The following SBF1 variants were observed in gnomAD, a reference collection of about 807,000 sequenced individuals.
SBF1 encodes myotubularin-related protein 5.
SBF1 carries 65 observed loss-of-function variants against 215.8 expected under a neutral mutation model. The ratio of observed to expected loss-of-function variants is 0.30; its 90% CI spans 0.25 to 0.37. The LOEUF is 0.37. SBF1 is among the 10% of genes least tolerant of loss of function. The probability of loss-of-function intolerance (pLI) is 1.00; values close to 1 mark genes in which losing one functional copy is unlikely to be tolerated. For missense variants in SBF1, 2,634 were observed against 2,667.8 expected, an observed-to-expected ratio of 0.99 and a Z score of 0.28; for synonymous variants, 1,410 against 1,122.8, an observed-to-expected ratio of 1.26 and a Z score of -5.11.
chr22:50,447,729 C>A (rs2066889886), intron 38 of SBF1, 120 bp from the exon 39 acceptor site: 1 of 703,528 alleles, frequency 1.4e-6, no homozygotes, highest in Non-Finnish European at 2.4e-6. Context: ...ACCCTGTCCC[C>A]AGAACTGACC....
rs769202141 is a variant in SBF1 at position 50,462,271 on chromosome 22, C to T, written c.2330G>A (p.Arg777His). 32 of 1,611,886 alleles carry T rather than the reference C, an allele frequency of 2.0e-5. No individual in the cohort carries two copies. Among genetic ancestry groups the T allele is most frequent in the East Asian group, 2.2e-5 (1 of 44,894 alleles). Residue 777 changes from arginine to histidine, a missense_variant, in exon 19 of 41, where the codon CGC (arginine) becomes CAC (histidine). Transcript: ENST00000380817. ...LLLPLDSSKS[R>H]LLRERAGLGD... is the part of the protein sequence containing the mutation. ...CAGCCCGGCACGCTCCCGAAGTAGG[C>T]GGCTCTTGCTGCTGTCCAGGGGCAG...
intron 36 of SBF1, among the ~76,000 whole-genome samples, chr22:50,450,548 G>A (rs1463800295): frequency 1.3e-5 from 2 of 151,584 alleles, no homozygotes; most frequent in East Asian, 1.9e-4. Context: ...ACTATGAGCT[G>A]AACCCAAATT....
chr22:50,469,231 G>A (rs779179242), intron 1 of SBF1, among the ~76,000 whole-genome samples: 1 of 152,164 alleles, frequency 6.6e-6, no homozygotes, highest in Non-Finnish European at 1.5e-5. Context: ...ACCCAGGCCT[G>A]CTCCCTGTCT....
rs569855979 is a variant in SBF1, at chr22:50,465,428, C to T, written c.1090-100G>A. ...CACCCCAACCCACCCCAAGCTGCCC[C>T]GCTCCCATCCTTCTGCCCCTCCCAC... On this transcript the variant is annotated intron_variant, in intron 10 of 40. Transcript: ENST00000380817. 65 of 997,454 alleles carry T rather than the reference C, an allele frequency of 6.5e-5. No homozygotes were observed. The South Asian group carries it at 6.8e-4, about 10-fold the overall frequency. 61.8% of individuals were successfully genotyped at this position (997,454 alleles called of 1,614,324 possible).
At chr22:50,466,927 T>C (rs1467683749) in intron 5 of SBF1, 1 of 563,142 alleles carries the variant, frequency 1.8e-6, no homozygotes, top group Non-Finnish European at 3.1e-6. Context: ...TGCTTTTGAC[T>C]TGGGGGTAGG....
intron 1 of SBF1, among the ~76,000 whole-genome samples, chr22:50,472,445 GA>G (rs904806369): frequency 1.2e-4 from 18 of 152,248 alleles, no homozygotes; most frequent in African/African-American, 3.6e-4. Context: ...GAACAGAGAG[GA>G]TCCTCTACCC....
chr22:50,450,127 T>C (rs2148557231), intron 36 of SBF1, among the ~76,000 whole-genome samples: 1 of 152,190 alleles, frequency 6.6e-6, no homozygotes, highest in East Asian at 1.9e-4. Flanking sequence ...AAAGGGGCTC[T>C]AGAAATCTAG....
chr22:50,469,377 G>A (rs1287319374), intron 1 of SBF1, among the ~76,000 whole-genome samples: 1 of 152,230 alleles, frequency 6.6e-6, no homozygotes, highest in African/African-American at 2.4e-5. Context: ...TCTCCGTGGG[G>A]CCCCAGAACT....
At position 50,463,256 on chromosome 22, in the gene SBF1, T is replaced by C. The variant is rs769198050; in HGVS notation, c.1899+27A>G. On this transcript the variant is annotated intron_variant, in intron 16 of 40. Transcript: ENST00000380817. ...GTTCCCGCTCATGCGCCATGAGCCA[T>C]GTCACTAGCAGGATAAGAGGCCTCA... 7.4e-6 allele frequency: 12 copies of C among 1,612,364 alleles called. No individual in the cohort carries two copies. In the African/African-American group the frequency reaches 1.1e-4, roughly 14 times the overall value.
In SBF1 at chr22:50,446,811, T is replaced by G; in HGVS notation, c.*331A>C. The G allele has an allele frequency of 3.1e-6, 2 of 644,812 alleles. No homozygotes were observed. Among genetic ancestry groups the G allele is most frequent in the East Asian group, 3.2e-5 (1 of 31,248 alleles). 39.9% of individuals were successfully genotyped at this position (644,812 alleles called of 1,614,324 possible). The stretch of plus-strand genomic sequence containing the variant: ...GGAAGGCAGGCACAGGAGCGTGGCG[T>G]TAGTTCTCTCTTTATATAGACTCTG... On this transcript the variant is annotated 3_prime_UTR_variant, in exon 41 of 41. Coordinates refer to ENST00000380817, the MANE Select transcript of SBF1 (RefSeq NM_002972.4).
intron 38 of SBF1, among the ~76,000 whole-genome samples, chr22:50,447,998 G>GCCAGACT (rs1424328923): frequency 6.6e-6 from 1 of 152,170 alleles, no homozygotes; most frequent in Non-Finnish European, 1.5e-5. Context: ...GATGGATCCT[G>GCCAGACT]CCAGACTCCA....
In SBF1 at chr22:50,460,539, G is replaced by A. The variant is rs376170957; in HGVS notation, c.3141C>T (p.Ser1047=). 98 of 1,613,932 alleles carry A rather than the reference G, an allele frequency of 6.1e-5. No homozygotes were observed. The highest frequency in any genetic ancestry group is 7.6e-5 in the Non-Finnish European group (90 of 1,180,004). Reference sequence around the variant, plus strand: ...CCTGGGACCCAGATCCATACCTGAGGGAAGGACCCTTGTCCTTGGTGACTC... The same window carrying A: ...CCTGGGACCCAGATCCATACCTGAGAGAAGGACCCTTGTCCTTGGTGACTC... The part of the protein sequence containing the change: ...PPRVTKDKGP[S]LRTLSRNLVK... The change falls in exon 24 of 41, where the codon TCC becomes TCT. Residue 1047 remains serine, a synonymous_variant. Coordinates refer to ENST00000380817, the MANE Select transcript of SBF1 (RefSeq NM_002972.4).
intron 36 of SBF1, among the ~76,000 whole-genome samples, chr22:50,453,539 G>A (rs1049493394): frequency 2.0e-5 from 3 of 152,238 alleles, no homozygotes; most frequent in Non-Finnish European, 4.4e-5. Flanking sequence ...TGTAATCCCA[G>A]CACTTTGGGA....
intron 23 of SBF1, 133 bp downstream of exon 23, chr22:50,461,026 C>CT: frequency 8.2e-7 from 1 of 1,214,712 alleles, no homozygotes; most frequent in South Asian, 1.6e-5. Context: ...ACAGTGAGGG[C>CT]CCCAGACATG....
In SBF1 at chr22:50,460,073, T is replaced by C. The variant is rs748976030; in HGVS notation, c.3370A>G (p.Arg1124Gly). 12 of 1,613,816 alleles carry C rather than the reference T, an allele frequency of 7.4e-6. No individual in the cohort carries two copies. Among genetic ancestry groups the C allele is most frequent in the South Asian group, 2.2e-5 (2 of 91,092 alleles). Residue 1124 changes from arginine to glycine, a missense_variant, in exon 26 of 41, where the codon AGG becomes GGG. Arg to Gly is a moderately radical substitution (Grantham distance 125). Transcript: ENST00000380817. ...CGCTGGTAGTCGCGACAGCAAGCCCTTTCCACCAGGCTGCTCATGGTCATG... is the reference window on the plus strand; with the variant it reads ...CGCTGGTAGTCGCGACAGCAAGCCCCTTCCACCAGGCTGCTCATGGTCATG... ...DRMTMSSLVE[R>G]ACCRDYQRLG...
At position 50,448,348 on chromosome 22, in the gene SBF1, G is replaced by C. The variant is rs902782859; in HGVS notation, c.5248C>G (p.Leu1750Val). The change falls in exon 38 of 41, where the codon CTC (leucine) becomes GTC (valine). Residue 1750 changes from leucine to valine, a missense_variant. Physicochemically the swap from Leu to Val is conservative, Grantham distance 32. Transcript: ENST00000380817. ...QEGPVGSTLS[L>V]SLDSDQSSGS... ...CTACTCTGGTCGCTGTCCAGGCTGA[G>C]GCTCAGGGTGGAGCCCACGGGCCCC... 6.2e-7 allele frequency: 1 copy of C among 1,613,922 alleles called. No individual in the cohort carries two copies. The highest frequency in any genetic ancestry group is 1.7e-5 in the Admixed American group (1 of 60,028).
At position 50,466,763 on chromosome 22, in the gene SBF1, G is replaced by C. The variant is rs1433880430; in HGVS notation, c.550-53C>G. 1.3e-5 allele frequency: 17 copies of C among 1,302,192 alleles called. No homozygotes were observed. The Middle Eastern group carries it at 5.7e-4, about 43-fold the overall frequency. 80.7% of individuals were successfully genotyped at this position (1,302,192 alleles called of 1,614,324 possible). A position where few individuals can be genotyped will look rare whatever the true frequency, so the allele number is the denominator to read the frequency against. On this transcript the variant is annotated intron_variant, in intron 5 of 40. Transcript: ENST00000380817. ...GTAGTTTGGCCAGAGCCAGCCCAGA[G>C]TCAGCCCAGAGCTCTGTGTCCCCAG...
At position 50,460,099 on chromosome 22, in the gene SBF1, C is replaced by A. The variant is rs761053002; in HGVS notation, c.3344G>T (p.Arg1115Leu). 1.9e-6 allele frequency: 3 copies of A among 1,613,584 alleles called. No homozygotes were observed. The highest frequency in any genetic ancestry group is 2.5e-6 in the Non-Finnish European group (3 of 1,179,976). Residue 1115 changes from arginine to leucine, a missense_variant, in exon 26 of 41, where the codon CGC (arginine) becomes CTC (leucine). By Grantham distance (102) the Arg-to-Leu change is moderately radical. Transcript: ENST00000380817. ...TPSSALKPSD[R>L]MTMSSLVERA... is the part of the protein sequence containing the mutation. ...TTCCACCAGGCTGCTCATGGTCATG[C>A]GGTCGGAGGGCTTCAGGGCTGAGGA...
chr22:50,447,384 C>T lies in SBF1; in HGVS notation c.5521G>A (p.Val1841Met). 1 of 1,613,982 alleles carries T rather than the reference C, an allele frequency of 6.2e-7. No homozygotes were observed. Among genetic ancestry groups the T allele is most frequent in the East Asian group, 2.2e-5 (1 of 44,872 alleles). Reference sequence around the variant, plus strand: ...CCCATAGTGGGCGTGCCAGGTGCCACAGCCTCCACCTCCGCCAAGTCGATG... The same window carrying T: ...CCCATAGTGGGCGTGCCAGGTGCCATAGCCTCCACCTCCGCCAAGTCGATG... ...GVIDLAEVEA[V>M]APGTPTMGAP... is the part of the protein sequence containing the mutation. The change falls in exon 40 of 41, where the codon GTG becomes ATG. Residue 1841 changes from valine to methionine, a missense_variant. Transcript: ENST00000380817.
Sources: gnomAD v4.1 joint callset for allele counts (sites outside exome capture counted in the v4.1 genomes callset) on GRCh38, gnomAD v4.1.1 for gene constraint, MANE v1.5 for transcripts, NCBI Gene and HGNC (gene_info 2026-07-23, HGNC 2026-07-21) for gene names.